Variants in CNIH3 observed in about 807,000 individuals in gnomAD.
The protein encoded by CNIH3 is protein cornichon homolog 3.
A neutral mutation model predicts 24.1 loss-of-function variants in CNIH3; 14 were observed. The observed-to-expected ratio is 0.58, with a 90% CI of 0.38 to 0.91. The LOEUF is 0.91. Among genes scored for constraint, CNIH3 ranks in the 40% least tolerant of loss-of-function variants. CNIH3 has a pLI of 0.00. For missense variants in CNIH3, 178 were observed against 196.8 expected, an observed-to-expected ratio of 0.90 and a Z score of 0.57; for synonymous variants, 68 against 73.8, an observed-to-expected ratio of 0.92 and a Z score of 0.40.
intron 4 of CNIH3, among the ~76,000 whole-genome samples, chr1:224,731,689 G>A (rs576849769): frequency 6.6e-6 from 1 of 152,270 alleles, no homozygotes; most frequent in Non-Finnish European, 1.5e-5. Context: ...GTACATCCTA[G>A]TGGTGGAGGG....
intron 3 of CNIH3, among the ~76,000 whole-genome samples, chr1:224,727,284 C>T (rs1689082119): frequency 6.6e-6 from 1 of 152,114 alleles, no homozygotes; most frequent in Non-Finnish European, 1.5e-5. Context: ...GGCAAAACAA[C>T]AACAACAACA....
In CNIH3 at chr1:224,616,807, G is replaced by A; in HGVS notation, c.-368G>A. ...TGGGGCGAATGGGACCTCCTCCCTC[G>A]GTCCTCCGTGGAGTCGTCGCATCGC... On this transcript the variant is annotated 5_prime_UTR_variant, in exon 1 of 6. Coordinates refer to ENST00000272133, the MANE Select transcript of CNIH3 (RefSeq NM_152495.2). 9.3e-7 allele frequency: 1 copy of A among 1,073,486 alleles called. No individual in the cohort carries two copies. Among genetic ancestry groups the A allele is most frequent in the Non-Finnish European group, 1.1e-6 (1 of 886,588 alleles). The allele number at this position is 1,073,486 out of a possible 1,614,324, so 66.5% of individuals were successfully genotyped here. A position where few individuals can be genotyped will look rare whatever the true frequency, so the allele number is the denominator to read the frequency against.
chr1:224,724,115 C>T (rs1464641901), intron 3 of CNIH3, among the ~76,000 whole-genome samples: 2 of 152,124 alleles, frequency 1.3e-5, no homozygotes, highest in Non-Finnish European at 2.9e-5. Context: ...TGTTAAGTTG[C>T]TTATGTAGCA....
At chr1:224,585,414 C>T (rs1159509000) in intron 5 of CNIH3, among the ~76,000 whole-genome samples, 2 of 152,112 alleles carry the variant, frequency 1.3e-5, no homozygotes, top group African/African-American at 4.8e-5. Flanking sequence ...GCTTCCAGAG[C>T]CATATCCTAC....
At chr1:224,527,585 C>T (rs981524114) in intron 2 of CNIH3, among the ~76,000 whole-genome samples, 2 of 152,078 alleles carry the variant, frequency 1.3e-5, no homozygotes, top group African/African-American at 2.4e-5. Flanking sequence ...CATGATTTTA[C>T]TAAAACCCTA....
intron 1 of CNIH3, among the ~76,000 whole-genome samples, chr1:224,635,993 G>A (rs1277247599): frequency 2.0e-5 from 3 of 152,130 alleles, no homozygotes; most frequent in African/African-American, 4.8e-5. Flanking sequence ...GGATTACTGC[G>A]TGAACCCTCT....
Position 224,458,983 on chromosome 1 carries a change from C to G in CNIH3, n.203+24121C>G, listed in dbSNP as rs572196195. Among the ~76,000 whole-genome samples the G allele has an allele frequency of 3.9e-5, 6 of 152,120 alleles. No individual in the cohort carries two copies. Among genetic ancestry groups the G allele is most frequent in the Non-Finnish European group, 7.4e-5 (5 of 68,024 alleles). On this transcript the variant is annotated intron_variant and non_coding_transcript_variant, in intron 1 of 5. Coordinates refer to the CNIH3 transcript ENST00000471578. The surrounding 1 kb of genome is among the most constrained non-coding windows in gnomAD (Gnocchi z 4.3). ...CCATACTGTTATGTGGTCCTTGTAC[C>G]CAGAGGCCCTGTTCAGCTCCAGTGA... is the stretch of plus-strand genomic sequence containing the variant.
At chr1:224,628,499 A>G (rs1026239616) in intron 1 of CNIH3, among the ~76,000 whole-genome samples, 10 of 151,768 alleles carry the variant, frequency 6.6e-5, no homozygotes, top group Non-Finnish European at 1.3e-4. Context: ...AAACTGATCT[A>G]CTTCTAGACA....
rs1689765219 is a variant in CNIH3, at chr1:224,739,457, C to G, written c.*101C>G. On this transcript the variant is annotated 3_prime_UTR_variant, in exon 6 of 6. Transcript: ENST00000272133. ...TGGAGGAGGGACCAGAATGAGGATACGTGAGAAATAGACCCGGCAGGCAGT... is the reference window on the plus strand; with the variant it reads ...TGGAGGAGGGACCAGAATGAGGATAGGTGAGAAATAGACCCGGCAGGCAGT... 1 of 1,567,860 alleles carries G rather than the reference C, an allele frequency of 6.4e-7. No individual in the cohort carries two copies. The highest frequency in any genetic ancestry group is 1.2e-5 in the South Asian group (1 of 83,572).
chr1:224,539,520 G>C (rs955210602), downstream of CNIH3, among the ~76,000 whole-genome samples: 1 of 152,132 alleles, frequency 6.6e-6, no homozygotes, highest in South Asian at 2.1e-4. Flanking sequence ...TACCTCCTCA[G>C]AATCATCAGT....
At chr1:224,631,020 G>T (rs1229953798) in intron 1 of CNIH3, among the ~76,000 whole-genome samples, 1 of 152,044 alleles carries the variant, frequency 6.6e-6, no homozygotes, top group Admixed American at 6.6e-5. Context: ...TTAGCCGGGC[G>T]TGGTGGTGCG....
At chr1:224,505,226 GAAGTC>G (rs1261147960) in intron 1 of CNIH3, among the ~76,000 whole-genome samples, 2 of 151,718 alleles carry the variant, frequency 1.3e-5, no homozygotes, top group African/African-American at 4.8e-5. Context: ...TTGAGCCCGG[GAAGTC>G]AAGGCTTCAG....
At chr1:224,639,795 T>G (rs1603918) in intron 1 of CNIH3, among the ~76,000 whole-genome samples, 89,173 of 152,082 alleles carry the variant, frequency 0.59, 28,607 homozygotes, top group African/African-American at 0.85. Context: ...TGACCGCCAA[T>G]ATTATACCCT....
intron 3 of CNIH3, among the ~76,000 whole-genome samples, chr1:224,728,425 G>T (rs1412105233): frequency 1.3e-5 from 2 of 152,126 alleles, no homozygotes; most frequent in African/African-American, 2.4e-5. Context: ...ATTCACAGGG[G>T]CTGGTGGTAC....
At chr1:224,480,916 T>A (rs753880437) in intron 1 of CNIH3, among the ~76,000 whole-genome samples, 1 of 152,252 alleles carries the variant, frequency 6.6e-6, no homozygotes, top group African/African-American at 2.4e-5. Flanking sequence ...TTTTTTGGTA[T>A]CTTTTCAGCA....
chr1:224,621,898 G>A (rs1280145724), intron 1 of CNIH3, among the ~76,000 whole-genome samples: 1 of 152,144 alleles, frequency 6.6e-6, no homozygotes, highest in Non-Finnish European at 1.5e-5. Flanking sequence ...TAATTGAATC[G>A]TGGGGGATGG....
intron 3 of CNIH3, among the ~76,000 whole-genome samples, chr1:224,686,191 G>A (rs1217749832): frequency 1.5e-5 from 2 of 131,812 alleles, no homozygotes; most frequent in Non-Finnish European, 3.1e-5. Context: ...GGTGTGTGAT[G>A]TTCCCCTTCC....
Position 224,730,497 on chromosome 1 carries a change from C to G in CNIH3, c.234C>G (p.Phe78Leu). ...VLPEYSIHSL[F>L]CIMFLCAQEW... ...CAGAATACTCCATCCATAGCCTCTT[C>G]TGCATTATGTTCCTGTGTGCGCAAG... Residue 78 changes from phenylalanine (F) to leucine (L), a missense_variant, in exon 4 of 6, where the codon TTC becomes TTG. Transcript: ENST00000272133. The G allele has an allele frequency of 6.4e-7, 1 of 1,561,526 alleles. No homozygotes were observed. The highest frequency in any genetic ancestry group is 8.7e-7 in the Non-Finnish European group (1 of 1,151,348).
At position 224,684,879 on chromosome 1, in the gene CNIH3, C is replaced by T. The variant is rs1209639410; in HGVS notation, c.198+36C>T. ...CAGCTTCATGCCGAGGATGGAGGAT[C>T]GCATGGTGGTGGGTGGGCACACAGT... is the stretch of plus-strand genomic sequence containing the variant. On this transcript the variant is annotated intron_variant, in intron 3 of 5. Transcript: ENST00000272133. The surrounding 1 kb of genome is among the most constrained non-coding windows in gnomAD (Gnocchi z 4.2). 11 of 1,600,570 alleles carry T rather than the reference C, an allele frequency of 6.9e-6. No homozygotes were observed. Among genetic ancestry groups the T allele is most frequent in the Admixed American group, 1.7e-5 (1 of 59,992 alleles).
Sources: allele counts gnomAD v4.1 joint callset (sites outside exome capture counted in the v4.1 genomes callset), GRCh38; gene constraint gnomAD v4.1.1; non-coding constraint Gnocchi (gnomAD v3.1); transcripts MANE v1.5; gene names NCBI Gene and HGNC (gene_info 2026-07-23, HGNC 2026-07-21).